The following ANKS1B variants were observed in gnomAD, a reference collection of about 807,000 sequenced individuals.
ANKS1B encodes the protein ankyrin repeat and sterile alpha motif domain-containing protein 1B.
ANKS1B carries 36 observed loss-of-function variants against 148.3 expected under a neutral mutation model. That is an observed-to-expected ratio of 0.24 (90% CI 0.19 to 0.32). ANKS1B has a LOEUF of 0.32. Ranked by LOEUF, ANKS1B falls within the 10% of genes least tolerant of loss-of-function variation. The pLI is 1.00. For missense variants in ANKS1B, 1,157 were observed against 1,542.6 expected (o/e 0.75, Z 4.19); for synonymous variants, 542 against 560.8 (o/e 0.97, Z 0.47).
chr12:98,773,247 G>A, intron 24 of ANKS1B, 68 bp from the exon 25 acceptor site: 1 of 1,513,346 alleles, frequency 6.6e-7, no homozygotes, highest in Non-Finnish European at 8.8e-7. Context: ...ACCAAGACAA[G>A]TAACCCAGGA....
intron 8 of ANKS1B, among the ~76,000 whole-genome samples, chr12:99,667,353 AAAAAGAAAAG>A (rs71088138): frequency 0.055 from 8,160 of 148,148 alleles, 278 homozygotes; most frequent in Non-Finnish European, 0.086. Context: ...TGTCTCAAAA[AAAAAGAAAAG>A]AAAAGAAAAG....
At chr12:99,881,919 A>T (rs1007257212) in intron 1 of ANKS1B, among the ~76,000 whole-genome samples, 1 of 152,264 alleles carries the variant, frequency 6.6e-6, no homozygotes, top group Non-Finnish European at 1.5e-5. Context: ...AGCATTACAA[A>T]GAGCCAGAAA....
At chr12:99,208,646 G>C (rs2082964104) in intron 14 of ANKS1B, among the ~76,000 whole-genome samples, 1 of 152,048 alleles carries the variant, frequency 6.6e-6, no homozygotes, top group Non-Finnish European at 1.5e-5. Flanking sequence ...CATTGGACTG[G>C]GTGAGAAGTT....
At chr12:99,448,633 A>G (rs904736325) in intron 10 of ANKS1B, among the ~76,000 whole-genome samples, 1 of 152,152 alleles carries the variant, frequency 6.6e-6, no homozygotes, top group Non-Finnish European at 1.5e-5. Flanking sequence ...CAATTTAGCT[A>G]TTCCACAATG....
chr12:98,941,414 T>C (rs1196665363), intron 17 of ANKS1B, among the ~76,000 whole-genome samples: 2 of 152,214 alleles, frequency 1.3e-5, no homozygotes, highest in Non-Finnish European at 2.9e-5. Context: ...AAGATACTTG[T>C]TTACAGTATG....
intron 12 of ANKS1B, among the ~76,000 whole-genome samples, chr12:99,395,901 T>C (rs1567020973): frequency 6.6e-6 from 1 of 152,174 alleles, no homozygotes; most frequent in Admixed American, 6.5e-5. Context: ...CAATCATTTA[T>C]AAAATGAAAT....
At chr12:99,379,249 G>A (rs55739918) in intron 12 of ANKS1B, among the ~76,000 whole-genome samples, 18,939 of 152,166 alleles carry the variant, frequency 0.12, 1,244 homozygotes, top group African/African-American at 0.17. Context: ...TATCACAAAT[G>A]TGATATAAAG....
chr12:99,487,640 A>T (rs1171595914), intron 10 of ANKS1B, among the ~76,000 whole-genome samples: 1 of 152,010 alleles, frequency 6.6e-6, no homozygotes, highest in African/African-American at 2.4e-5. Flanking sequence ...TTTCAAATAT[A>T]ATGTGATTTA....
At chr12:99,142,670 T>C (rs976406546) in intron 15 of ANKS1B, among the ~76,000 whole-genome samples, 3 of 152,178 alleles carry the variant, frequency 2.0e-5, no homozygotes, top group Admixed American at 6.5e-5. Context: ...GAATTTGATA[T>C]AGTGTTCTTC....
At chr12:98,976,851 A>G (rs1216726883) in intron 17 of ANKS1B, among the ~76,000 whole-genome samples, 1 of 152,238 alleles carries the variant, frequency 6.6e-6, no homozygotes, top group Non-Finnish European at 1.5e-5. Flanking sequence ...GCTCATTTGT[A>G]GTTTGATATT....
chr12:99,938,631 T>C (rs2094839090), intron 1 of ANKS1B, among the ~76,000 whole-genome samples: 1 of 152,154 alleles, frequency 6.6e-6, no homozygotes, highest in Admixed American at 6.5e-5. Context: ...TGACATGAAA[T>C]CCCCAGCCCA....
intron 17 of ANKS1B, among the ~76,000 whole-genome samples, chr12:98,847,843 G>A (rs1204742564): frequency 6.6e-6 from 1 of 152,128 alleles, no homozygotes; most frequent in African/African-American, 2.4e-5. Context: ...TGATTTGCCC[G>A]CCTCAGCCTC....
chr12:99,314,089 G>T (rs1322319619), intron 12 of ANKS1B, among the ~76,000 whole-genome samples: 1 of 152,048 alleles, frequency 6.6e-6, no homozygotes, highest in Non-Finnish European at 1.5e-5. Context: ...CAAAATCAAC[G>T]TGCAAAAATC....
intron 1 of ANKS1B, among the ~76,000 whole-genome samples, chr12:99,918,066 C>G (rs2094226213): frequency 6.6e-6 from 1 of 152,206 alleles, no homozygotes; most frequent in South Asian, 2.1e-4. Flanking sequence ...CTGAAACCAA[C>G]CACTCTCCCC....
chr12:99,180,044 C>T (rs1375241576), intron 14 of ANKS1B, among the ~76,000 whole-genome samples: 1 of 152,056 alleles, frequency 6.6e-6, no homozygotes, highest in East Asian at 1.9e-4. Flanking sequence ...TGGCTTCTTG[C>T]TTCCCTGTTT....
intron 17 of ANKS1B, among the ~76,000 whole-genome samples, chr12:98,837,230 G>C (rs937063530): frequency 6.6e-6 from 1 of 151,738 alleles, no homozygotes; most frequent in African/African-American, 2.4e-5. Context: ...CCAGCTACTC[G>C]GGAGGCCGAG....
intron 17 of ANKS1B, among the ~76,000 whole-genome samples, chr12:98,989,117 T>C (rs1051864580): frequency 6.6e-6 from 1 of 152,206 alleles, no homozygotes; most frequent in African/African-American, 2.4e-5. Context: ...TAGTTTGATA[T>C]AATCCCAGTT....
At chr12:99,747,321 A>G (rs992465121) in intron 8 of ANKS1B, among the ~76,000 whole-genome samples, 1 of 151,970 alleles carries the variant, frequency 6.6e-6, no homozygotes, top group Non-Finnish European at 1.5e-5. Context: ...GAAGAGAGTG[A>G]TCCCTGGTTT....
chr12:99,163,263 C>CT (rs1219255059), intron 14 of ANKS1B, among the ~76,000 whole-genome samples: 2 of 151,786 alleles, frequency 1.3e-5, no homozygotes, highest in Non-Finnish European at 2.9e-5. Flanking sequence ...CTTTTATTTT[C>CT]TTTTTTTAAA....
Sources: gnomAD v4.1 joint callset for allele counts (sites outside exome capture counted in the v4.1 genomes callset) on GRCh38, gnomAD v4.1.1 for gene constraint, MANE v1.5 for transcripts, NCBI Gene and HGNC (gene_info 2026-07-23, HGNC 2026-07-21) for gene names.